The following PCBP3 variants were observed in gnomAD, a reference collection of about 807,000 sequenced individuals.
PCBP3 encodes the protein poly(rC) binding protein 3.
In PCBP3, 25 loss-of-function variants were observed where a neutral mutation model predicts 52.7. The observed-to-expected ratio is 0.47, with a 90% CI of 0.35 to 0.66. The LOEUF is 0.66. Among genes scored for constraint, PCBP3 ranks in the 30% least tolerant of loss-of-function variants. The pLI is 0.01. For missense variants in PCBP3, 391 were observed against 490.3 expected (o/e 0.80, Z 1.91); for synonymous variants, 162 against 183.0 (o/e 0.89, Z 0.93).
chr21:45,714,077 C>G (rs2084042563), intron 2 of PCBP3, among the ~76,000 whole-genome samples: 1 of 152,188 alleles, frequency 6.6e-6, no homozygotes, highest in Non-Finnish European at 1.5e-5. Context: ...ACACACTCTT[C>G]TGAATGTACT....
chr21:45,828,303 C>T (rs2093357558), intron 4 of PCBP3: 1 of 152,214 alleles, frequency 6.6e-6, no homozygotes, highest in Non-Finnish European at 1.5e-5. Flanking sequence ...AGGAAGATGG[C>T]CCCAAAGTCT....
At chr21:45,892,869 A>T (rs1010821393) in intron 5 of PCBP3, among the ~76,000 whole-genome samples, 1 of 151,868 alleles carries the variant, frequency 6.6e-6, no homozygotes, top group Non-Finnish European at 1.5e-5. Context: ...GGGTGCCAGG[A>T]CCCTCTCTAC....
chr21:45,762,321 GGA>G (rs151176049), intron 4 of PCBP3: 49 of 149,324 alleles, frequency 3.3e-4, no homozygotes, highest in Non-Finnish European at 5.2e-4. Context: ...GCAGGCGATT[GGA>G]GAGAGAGAGA....
intron 5 of PCBP3, among the ~76,000 whole-genome samples, chr21:45,850,854 A>T (rs1046967369): frequency 6.6e-6 from 1 of 152,252 alleles, no homozygotes; most frequent in Non-Finnish European, 1.5e-5. Context: ...TGTGGAGAGC[A>T]TAAGGCAATT....
chr21:45,723,023 A>C (rs1253366482), intron 2 of PCBP3, among the ~76,000 whole-genome samples: 1 of 152,138 alleles, frequency 6.6e-6, no homozygotes, highest in East Asian at 1.9e-4. Flanking sequence ...AAAAAAAAAA[A>C]ATGTATATAG....
At chr21:45,723,763 G>A (rs796863562) in intron 2 of PCBP3, among the ~76,000 whole-genome samples, 9 of 152,350 alleles carry the variant, frequency 5.9e-5, no homozygotes, top group African/African-American at 1.9e-4. Context: ...GTCGAGCTCA[G>A]GGTCTGTGGG....
At chr21:45,771,771 A>G (rs2089887259) in intron 4 of PCBP3, among the ~76,000 whole-genome samples, 2 of 152,198 alleles carry the variant, frequency 1.3e-5, no homozygotes, top group African/African-American at 4.8e-5. Flanking sequence ...TCAATAGTCA[A>G]GAAAGAGGCA....
At chr21:45,722,995 C>G (rs1243720425) in intron 2 of PCBP3, among the ~76,000 whole-genome samples, 2 of 151,478 alleles carry the variant, frequency 1.3e-5, no homozygotes, top group Non-Finnish European at 2.9e-5. Context: ...GCCTGGATGA[C>G]CCAGCAAGAC....
intron 2 of PCBP3, among the ~76,000 whole-genome samples, chr21:45,714,182 A>T (rs2084053499): frequency 1.3e-5 from 2 of 152,148 alleles, no homozygotes; most frequent in Non-Finnish European, 2.9e-5. Flanking sequence ...TCGACTTTAA[A>T]TACTGGCTGT....
intron 5 of PCBP3, among the ~76,000 whole-genome samples, 171 bp downstream of exon 5, chr21:45,850,266 A>G (rs2093943307): frequency 6.6e-6 from 1 of 152,190 alleles, no homozygotes; most frequent in Admixed American, 6.5e-5. Flanking sequence ...ACTTTGGGAA[A>G]TTGGGGATCC....
chr21:45,669,929 G>C (rs1228761777), intron 2 of PCBP3, among the ~76,000 whole-genome samples: 1 of 149,170 alleles, frequency 6.7e-6, no homozygotes, highest in African/African-American at 2.5e-5. Context: ...CCATGAACTT[G>C]GGTATACAAA....
chr21:45,930,848 A>G lies in PCBP3; in HGVS notation c.856+3A>G. ...AAATCTGATGGGCCAGTCATCAGGT[A>G]ACACAAAGCCACACTGACAGGAGAA... On this transcript the variant is annotated splice_donor_region_variant and intron_variant, in intron 15 of 17. Coordinates refer to ENST00000681687, the MANE Select transcript of PCBP3 (RefSeq NM_001384156.1). 6.2e-7 allele frequency: 1 copy of G among 1,612,308 alleles called. No homozygotes were observed. Among genetic ancestry groups the G allele is most frequent in the Non-Finnish European group, 8.5e-7 (1 of 1,179,002 alleles).
At chr21:45,691,114 T>TA (rs1391556253) in intron 2 of PCBP3, among the ~76,000 whole-genome samples, 1 of 151,892 alleles carries the variant, frequency 6.6e-6, no homozygotes, top group African/African-American at 2.4e-5. Context: ...TAGGAACAAT[T>TA]AAAAAATCTA....
At chr21:45,787,113 G>A (rs961885177) in intron 4 of PCBP3, among the ~76,000 whole-genome samples, 1 of 152,192 alleles carries the variant, frequency 6.6e-6, no homozygotes, top group African/African-American at 2.4e-5. Context: ...TAATAAGCCT[G>A]AACGTTCTTG....
Position 45,741,059 on chromosome 21 carries a change from C to T in PCBP3, c.-162+5630C>T, listed in dbSNP as rs2086410328. On this transcript the variant is annotated intron_variant, in intron 3 of 17. Transcript: ENST00000681687. The surrounding 1 kb of genome is among the most constrained non-coding windows in gnomAD (Gnocchi z 4.5). Reference sequence around the variant, plus strand: ...CGGAAAGCAGGGCACGGGATGGCTTCACTCCAGCTCCTCCTTATTTGGCCC... The same window carrying T: ...CGGAAAGCAGGGCACGGGATGGCTTTACTCCAGCTCCTCCTTATTTGGCCC... Among the ~76,000 whole-genome samples the T allele has an allele frequency of 6.6e-6, 1 of 152,186 alleles. No individual in the cohort carries two copies. Among genetic ancestry groups the T allele is most frequent in the Non-Finnish European group, 1.5e-5 (1 of 68,030 alleles).
rs199653240 is a variant in PCBP3 at position 45,929,995 on chromosome 21, G to A, written c.796G>A (p.Gly266Arg). The A allele has an allele frequency of 6.2e-6, 10 of 1,609,670 alleles. No individual in the cohort carries two copies. The highest frequency in any genetic ancestry group is 1.1e-5 in the South Asian group (1 of 90,948). Residue 266 changes from glycine to arginine, a missense_variant and splice_region_variant, in exon 14 of 18, where the codon GGA becomes AGA. Transcript: ENST00000681687. ...CGGACAGACCAACCCCGCTTTCCCC[G>A]GTACGTACCCAGCCCTTTTCTCACC... ...PLGQTNPAFP[G>R]EKLPLHSSEE...
chr21:45,824,714 CAGT>C, intron 4 of PCBP3, among the ~76,000 whole-genome samples: 1 of 152,188 alleles, frequency 6.6e-6, no homozygotes, highest in Non-Finnish European at 1.5e-5. Context: ...GTGTTGGTAG[CAGT>C]AACGGTTCCA....
rs553275059 is a variant in PCBP3 at position 45,921,126 on chromosome 21, CAT to C, written c.717+3499_717+3500del. ...CAAAAATAAAATGATTGTTTAGTGACATAGGTAACAATAGTCAGGAAGCAATT... is the reference window on the plus strand; with the variant it reads ...CAAAAATAAAATGATTGTTTAGTGACAGGTAACAATAGTCAGGAAGCAATT... On this transcript the variant is annotated intron_variant, in intron 13 of 17. Transcript: ENST00000681687. Among the ~76,000 whole-genome samples, 716 of 134,694 alleles carry C rather than the reference CAT, an allele frequency of 5.3e-3. 5 individuals are homozygous for C. The highest frequency in any genetic ancestry group is 0.017 in the African/African-American group (678 of 39,508). 88.4% of individuals were successfully genotyped at this position (134,694 alleles called of 152,430 possible).
intron 5 of PCBP3, among the ~76,000 whole-genome samples, chr21:45,883,178 C>T (rs2095441620): frequency 6.6e-6 from 1 of 152,158 alleles, no homozygotes; most frequent in South Asian, 2.1e-4. Context: ...ATATGTGTTT[C>T]ATTTCCAAGT....
Sources: allele counts gnomAD v4.1 joint callset (sites outside exome capture counted in the v4.1 genomes callset), GRCh38; gene constraint gnomAD v4.1.1; non-coding constraint Gnocchi (gnomAD v3.1); transcripts MANE v1.5; gene names NCBI Gene and HGNC (gene_info 2026-07-23, HGNC 2026-07-21).